The following SLC24A2 variants were observed in gnomAD, a reference collection of about 807,000 sequenced individuals.
The protein encoded by SLC24A2 is solute carrier family 24 member 2.
In SLC24A2, 36 loss-of-function variants were observed where a neutral mutation model predicts 62.0. The ratio of observed to expected loss-of-function variants is 0.58; its 90% confidence interval spans 0.44 to 0.77. The LOEUF (loss-of-function observed/expected upper bound fraction) is 0.77, where lower values mean the gene tolerates loss of function less well. Ranked by LOEUF, SLC24A2 falls within the 30% of genes least tolerant of loss-of-function variation. The pLI, the probability that SLC24A2 is intolerant of heterozygous loss-of-function variation, is 0.00. For synonymous variants in SLC24A2, 358 were observed against 294.0 expected (o/e 1.22, Z -2.23); for missense variants, 846 against 817.9 (o/e 1.03, Z -0.42).
At chr9:20,010,590 C>T in the SLC24A2 span, among the ~76,000 whole-genome samples, 6 of 151,906 alleles carry the variant, frequency 3.9e-5, no homozygotes, top group African/African-American at 1.5e-4. Context: ...AAAAACTGAA[C>T]TGAAAAATTC....
At chr9:20,268,316 T>C in the SLC24A2 span, among the ~76,000 whole-genome samples, 1 of 152,112 alleles carries the variant, frequency 6.6e-6, no homozygotes, top group African/African-American at 2.4e-5. Context: ...GGTTTGAATG[T>C]CTCCTCCGAA....
intron 7 of SLC24A2, among the ~76,000 whole-genome samples, chr9:19,552,552 C>CT (rs1459964889): frequency 6.6e-6 from 1 of 152,094 alleles, no homozygotes; most frequent in African/African-American, 2.4e-5. Flanking sequence ...GTCAGCTTCC[C>CT]TGAAGACCCA....
chr9:20,146,928 A>G, the SLC24A2 span, among the ~76,000 whole-genome samples: 1 of 152,076 alleles, frequency 6.6e-6, no homozygotes, highest in Admixed American at 6.6e-5. Flanking sequence ...TCTTATGTAC[A>G]ACATCAGTAC....
intron 4 of SLC24A2, among the ~76,000 whole-genome samples, chr9:19,606,748 G>T (rs781653087): frequency 6.6e-6 from 1 of 152,214 alleles, no homozygotes; most frequent in African/African-American, 2.4e-5. Context: ...GTATGTGCAC[G>T]TGTGTATAAC....
chr9:19,583,407 T>C (rs1406789362), intron 5 of SLC24A2, among the ~76,000 whole-genome samples: 2 of 152,222 alleles, frequency 1.3e-5, no homozygotes, highest in Non-Finnish European at 2.9e-5. Flanking sequence ...AAAGTAGTTA[T>C]CACCGTCTAA....
At chr9:19,992,343 T>C in the SLC24A2 span, among the ~76,000 whole-genome samples, 1 of 152,222 alleles carries the variant, frequency 6.6e-6, no homozygotes, top group Admixed American at 6.5e-5. Flanking sequence ...TTCCACCATG[T>C]CTGTTTGCTT....
At chr9:20,192,984 C>G in the SLC24A2 span, among the ~76,000 whole-genome samples, 104 of 152,164 alleles carry the variant, frequency 6.8e-4, no homozygotes, top group African/African-American at 2.4e-3. Context: ...TTGAAGAACC[C>G]CCCAGCACAC....
intron 2 of SLC24A2, among the ~76,000 whole-genome samples, chr9:19,782,755 C>A (rs565495313): frequency 9.9e-5 from 15 of 152,150 alleles, no homozygotes; most frequent in Non-Finnish European, 1.9e-4. Context: ...ATGCTAGATG[C>A]TTAACATTCA....
chr9:20,002,533 T>A, the SLC24A2 span, among the ~76,000 whole-genome samples: 2 of 152,084 alleles, frequency 1.3e-5, no homozygotes, highest in Admixed American at 1.3e-4. Context: ...TAGACCCATT[T>A]TGTAGATGAG....
the SLC24A2 span, among the ~76,000 whole-genome samples, chr9:20,291,427 G>A: frequency 6.6e-6 from 1 of 152,148 alleles, no homozygotes; most frequent in South Asian, 2.1e-4. Context: ...GCCATGTAAT[G>A]GGACAGTCCA....
chr9:19,816,868 T>A, the SLC24A2 span, among the ~76,000 whole-genome samples: 1 of 151,946 alleles, frequency 6.6e-6, no homozygotes, highest in Non-Finnish European at 1.5e-5. Context: ...TACAAGGCCC[T>A]ACCTCCAATA....
chr9:19,869,158 A>G, the SLC24A2 span, among the ~76,000 whole-genome samples: 1 of 151,986 alleles, frequency 6.6e-6, no homozygotes, highest in African/African-American at 2.4e-5. Context: ...ATTTTTTATT[A>G]TTAGTGGAGA....
the SLC24A2 span, among the ~76,000 whole-genome samples, chr9:20,273,441 A>G: frequency 2.6e-5 from 4 of 152,210 alleles, no homozygotes; most frequent in Admixed American, 1.3e-4. Context: ...TGTAGCTCCC[A>G]TTATTCCTAC....
chr9:20,296,774 T>C, the SLC24A2 span, among the ~76,000 whole-genome samples: 3 of 152,226 alleles, frequency 2.0e-5, no homozygotes, highest in African/African-American at 2.4e-5. Flanking sequence ...CCAATCATAG[T>C]GGTATGCATT....
chr9:19,618,632 C>T (rs1325966203), intron 4 of SLC24A2, among the ~76,000 whole-genome samples: 1 of 152,096 alleles, frequency 6.6e-6, no homozygotes, highest in Non-Finnish European at 1.5e-5. Flanking sequence ...TGCTTATATT[C>T]TTGAAATTAT....
At chr9:20,090,001 G>A in the SLC24A2 span, among the ~76,000 whole-genome samples, 1 of 152,070 alleles carries the variant, frequency 6.6e-6, no homozygotes, top group African/African-American at 2.4e-5. Flanking sequence ...AAGCCCCTCT[G>A]CCCCTTTCTC....
intron 8 of SLC24A2, among the ~76,000 whole-genome samples, chr9:19,532,876 C>T (rs1414239444): frequency 1.3e-5 from 2 of 152,182 alleles, no homozygotes; most frequent in Non-Finnish European, 2.9e-5. Flanking sequence ...TCATTAGATG[C>T]ATTCTTGTTT....
At chr9:19,723,439 TCCAA>T (rs1821084692) in intron 2 of SLC24A2, among the ~76,000 whole-genome samples, 2 of 152,158 alleles carry the variant, frequency 1.3e-5, no homozygotes, top group African/African-American at 4.8e-5. Flanking sequence ...GTGTTTGTAT[TCCAA>T]CCATTCTATC....
At chr9:20,279,249 G>T in the SLC24A2 span, among the ~76,000 whole-genome samples, 1 of 152,180 alleles carries the variant, frequency 6.6e-6, no homozygotes, top group East Asian at 1.9e-4. Context: ...ATTTAAAACC[G>T]GCCAGACATG....
Sources: gnomAD v4.1 joint callset for allele counts (sites outside exome capture counted in the v4.1 genomes callset) on GRCh38, gnomAD v4.1.1 for gene constraint, MANE v1.5 for transcripts, NCBI Gene and HGNC (gene_info 2026-07-23, HGNC 2026-07-21) for gene names.